The following STOX2 variants were observed in gnomAD, a reference collection of about 807,000 sequenced individuals.
The protein encoded by STOX2 is storkhead box 2.
STOX2 carries 28 observed loss-of-function variants against 60.9 expected under a neutral mutation model. The observed-to-expected ratio is 0.46, with a 90% CI of 0.34 to 0.63. STOX2 has a LOEUF of 0.63. Among genes scored for constraint, STOX2 ranks in the 30% least tolerant of loss-of-function variants. The pLI is 0.01. For missense variants in STOX2, 1,024 were observed against 1,187.7 expected (o/e 0.86, Z 2.03); for synonymous variants, 472 against 463.9 (o/e 1.02, Z -0.22).
Position 183,947,781 on chromosome 4 carries a change from T to C in STOX2, c.166+40825T>C, listed in dbSNP as rs1042849475. Among the ~76,000 whole-genome samples the C allele has an allele frequency of 2.6e-5, 4 of 152,324 alleles. No individual in the cohort carries two copies. In the South Asian group the frequency reaches 8.3e-4, roughly 32 times the overall value. Reference sequence around the variant, plus strand: ...GGTTCTCCCAAGCAGAGTGGAACGGTGCCTCCTCTGTGTCTCAATACAATT... The same window carrying C: ...GGTTCTCCCAAGCAGAGTGGAACGGCGCCTCCTCTGTGTCTCAATACAATT... On this transcript the variant is annotated intron_variant, in intron 1 of 3. Transcript: ENST00000308497.
In STOX2 at chr4:184,023,160, A is replaced by T. The variant is rs1735729985; in HGVS notation, c.*5876A>T. 6.6e-6 allele frequency: 1 copy of T among 152,178 alleles called. No individual in the cohort carries two copies. Among genetic ancestry groups the T allele is most frequent in the Non-Finnish European group, 1.5e-5 (1 of 68,038 alleles). 9.4% of individuals were successfully genotyped at this position (152,178 alleles called of 1,614,324 possible). A position where few individuals can be genotyped will look rare whatever the true frequency, so the allele number is the denominator to read the frequency against. Reference sequence around the variant, plus strand: ...ATAAAATGTGTTTGCACTGAAAAAAAATTTTAAATTACTTGGTCTCTGGTT... The same window carrying T: ...ATAAAATGTGTTTGCACTGAAAAAATATTTTAAATTACTTGGTCTCTGGTT... On this transcript the variant is annotated 3_prime_UTR_variant, in exon 4 of 4. Coordinates refer to ENST00000308497, the MANE Select transcript of STOX2 (RefSeq NM_020225.3).
intron 1 of STOX2, among the ~76,000 whole-genome samples, chr4:183,961,058 C>A (rs531551210): frequency 8.4e-4 from 128 of 152,206 alleles, no homozygotes; most frequent in Non-Finnish European, 1.5e-3. Context: ...AGGGTTTTGT[C>A]GGTTGGTTAG....
chr4:183,930,182 TTA>T (rs1742379424), intron 1 of STOX2, among the ~76,000 whole-genome samples: 1 of 150,364 alleles, frequency 6.7e-6, no homozygotes, highest in African/African-American at 2.4e-5. Flanking sequence ...TTTTTTTTTT[TTA>T]AGACAGGGTC....
Position 183,990,578 on chromosome 4 carries a change from A to ATT in STOX2, c.167-10711_167-10710dup, listed in dbSNP as rs57369052. On this transcript the variant is annotated intron_variant, in intron 1 of 3. Coordinates refer to ENST00000308497, the MANE Select transcript of STOX2 (RefSeq NM_020225.3). Reference sequence around the variant, plus strand: ...GAAGAGGGGCAGTTTAAAAAGCAGGATTTTTTTTTTTTTTTTTTTTTTTTT... The same window carrying ATT: ...GAAGAGGGGCAGTTTAAAAAGCAGGATTTTTTTTTTTTTTTTTTTTTTTTTTT... Among the ~76,000 whole-genome samples the ATT allele has an allele frequency of 2.0e-3, 168 of 82,472 alleles. 20 individuals carry two copies. The highest frequency in any genetic ancestry group is 3.4e-3 in the South Asian group (8 of 2,384). 54.1% of individuals were successfully genotyped at this position (82,472 alleles called of 152,430 possible).
At chr4:183,858,393 C>A (rs1223843083) in intron 1 of STOX2, among the ~76,000 whole-genome samples, 1 of 152,226 alleles carries the variant, frequency 6.6e-6, no homozygotes, top group Admixed American at 6.5e-5. Flanking sequence ...ACCCACCCGG[C>A]AGCTCTTCTG....
chr4:183,987,191 T>C (rs1484675368), intron 1 of STOX2, among the ~76,000 whole-genome samples: 1 of 152,168 alleles, frequency 6.6e-6, no homozygotes, highest in Non-Finnish European at 1.5e-5. Context: ...TCTGACTCCA[T>C]TTTTCTCGGG....
intron 1 of STOX2, among the ~76,000 whole-genome samples, chr4:183,851,540 G>A (rs867203520): frequency 2.7e-3 from 139 of 52,268 alleles, no homozygotes; most frequent in African/African-American, 0.011. Context: ...AAAGGATGAG[G>A]GAAAGGATGA....
chr4:183,819,293 G>A (rs1000879257), intron 1 of STOX2, among the ~76,000 whole-genome samples: 14 of 152,170 alleles, frequency 9.2e-5, no homozygotes, highest in African/African-American at 2.9e-4. Flanking sequence ...CTGCAATCCC[G>A]GCACCTCGGG....
At chr4:183,949,555 G>A (rs1743006912) in intron 1 of STOX2, among the ~76,000 whole-genome samples, 1 of 151,916 alleles carries the variant, frequency 6.6e-6, no homozygotes, top group Non-Finnish European at 1.5e-5. Context: ...AAAATTAGCT[G>A]GGCGTGGTGG....
intron 2 of STOX2, among the ~76,000 whole-genome samples, chr4:184,006,832 C>T (rs1481335555): frequency 7.0e-4 from 105 of 150,710 alleles, no homozygotes; most frequent in Middle Eastern, 3.5e-3. Flanking sequence ...CCGGCTAAAA[C>T]GGTGAAACCC....
chr4:183,882,993 T>C (rs2111174157), intron 1 of STOX2, among the ~76,000 whole-genome samples: 1 of 152,352 alleles, frequency 6.6e-6, no homozygotes, highest in East Asian at 1.9e-4. Flanking sequence ...TTTAGACCAT[T>C]TTATATAACT....
In STOX2 at chr4:183,895,128, C is replaced by G. The variant is rs543493929; in HGVS notation, c.364+97073C>G. 2.0e-5 allele frequency among the ~76,000 whole-genome samples: 3 copies of G among 152,292 alleles called. No individual in the cohort carries two copies. In the South Asian group the frequency reaches 6.2e-4, roughly 32 times the overall value. On this transcript the variant is annotated intron_variant, in intron 1 of 2. Transcript: ENST00000513034. ...TGTCAAGAATGGAATGCTGGTTCCT[C>G]AAGCTCTGTGGGCAAATCGTGGACT... is the stretch of plus-strand genomic sequence containing the variant.
intron 1 of STOX2, among the ~76,000 whole-genome samples, chr4:183,915,413 G>A (rs915560717): frequency 2.7e-5 from 4 of 150,674 alleles, no homozygotes; most frequent in African/African-American, 9.9e-5. Flanking sequence ...GGTGCATGGG[G>A]TATTTGTCTT....
chr4:183,848,425 C>A (rs77571367), intron 1 of STOX2, among the ~76,000 whole-genome samples: 2,855 of 152,266 alleles, frequency 0.019, 86 homozygotes, highest in African/African-American at 0.066. Flanking sequence ...CGTCAGAAGA[C>A]TTCTTATATT....
chr4:183,999,880 G>A (rs1288586256), intron 1 of STOX2, among the ~76,000 whole-genome samples: 3 of 152,174 alleles, frequency 2.0e-5, no homozygotes, highest in Non-Finnish European at 4.4e-5. Flanking sequence ...ACACCTTGTC[G>A]GGGAGGGTGT....
At chr4:183,816,006 T>C (rs192993369) in intron 1 of STOX2, among the ~76,000 whole-genome samples, 2 of 152,342 alleles carry the variant, frequency 1.3e-5, no homozygotes, top group Admixed American at 1.3e-4. Flanking sequence ...TGTCCAACAG[T>C]ACATTATTGT....
Position 184,009,335 on chromosome 4 carries a change from A to C in STOX2, c.497A>C (p.Asp166Ala). 1.2e-6 allele frequency: 2 copies of C among 1,613,880 alleles called. No homozygotes were observed. Among genetic ancestry groups the C allele is most frequent in the South Asian group, 2.2e-5 (2 of 91,084 alleles). ...TACCATTTGGACGAGAGGATACCTG[A>C]CCGGTCTCAGTGCACCTCTCCGCAA... ...KWYHLDERIP[D>A]RSQCTSPQPG... The change falls in exon 3 of 4, where the codon GAC becomes GCC. Residue 166 changes from aspartate to alanine, a missense_variant. Physicochemically the swap from Asp to Ala is moderately radical, Grantham distance 126. This residue lies in a region of STOX2 where 922 missense variants were observed against 1,058.3 expected (regional missense o/e 0.87). Transcript: ENST00000308497. The surrounding 1 kb of genome is among the most constrained non-coding windows in gnomAD (Gnocchi z 4.0).
At chr4:183,808,346 C>G (rs998325431) in intron 1 of STOX2, among the ~76,000 whole-genome samples, 3 of 152,224 alleles carry the variant, frequency 2.0e-5, no homozygotes, top group Non-Finnish European at 4.4e-5. Flanking sequence ...TCCCCTCTGT[C>G]CTGGGTTGGT....
At chr4:184,003,928 T>C (rs1364304370) in intron 2 of STOX2, among the ~76,000 whole-genome samples, 3 of 139,880 alleles carry the variant, frequency 2.1e-5, no homozygotes, top group African/African-American at 8.2e-5. Flanking sequence ...CTTTCTCCTT[T>C]CCTTCCCTTC....
Sources: allele counts gnomAD v4.1 joint callset (sites outside exome capture counted in the v4.1 genomes callset), GRCh38; gene constraint gnomAD v4.1.1; regional missense constraint gnomAD v4.1.1; non-coding constraint Gnocchi (gnomAD v3.1); transcripts MANE v1.5; gene names NCBI Gene and HGNC (gene_info 2026-07-23, HGNC 2026-07-21).